The following DLGAP2 variants were observed in gnomAD, a reference collection of about 807,000 sequenced individuals.
DLGAP2 encodes DLG associated protein 2.
DLGAP2 carries 26 observed loss-of-function variants against 100.3 expected under a neutral mutation model. The observed-to-expected ratio is 0.26, with a 90% CI of 0.19 to 0.36. The LOEUF is 0.36. DLGAP2 is among the 10% of genes least tolerant of loss of function. The probability of loss-of-function intolerance (pLI) is 1.00; values close to 1 mark genes in which losing one functional copy is unlikely to be tolerated. For missense variants in DLGAP2, 1,858 were observed against 1,453.2 expected (o/e 1.28, Z -4.53); for synonymous variants, 886 against 630.1 (o/e 1.41, Z -6.08).
At chr8:1,693,594 C>T (rs1032962819) in intron 13 of DLGAP2, among the ~76,000 whole-genome samples, 7 of 152,138 alleles carry the variant, frequency 4.6e-5, no homozygotes, top group African/African-American at 1.2e-4. Context: ...GGCTTTTTCA[C>T]GTGCAAGGAG....
intron 3 of DLGAP2, among the ~76,000 whole-genome samples, chr8:1,431,329 A>C (rs1341362938): frequency 6.6e-6 from 1 of 152,174 alleles, no homozygotes; most frequent in Non-Finnish European, 1.5e-5. Context: ...TTAGTAATAG[A>C]GTAGGGGCTT....
At chr8:1,106,473 G>A in intron 2 of DLGAP2, among the ~76,000 whole-genome samples, 1 of 149,154 alleles carries the variant, frequency 6.7e-6, no homozygotes, top group Non-Finnish European at 1.5e-5. Flanking sequence ...GTTTTCTATT[G>A]AAGGGAGCCA....
intron 6 of DLGAP2, among the ~76,000 whole-genome samples, chr8:1,567,344 G>C (rs1802443416): frequency 6.6e-6 from 1 of 152,188 alleles, no homozygotes; most frequent in Non-Finnish European, 1.5e-5. Flanking sequence ...ATGCTTCGTG[G>C]GTCCAGGGCT....
rs554719063 is a variant in DLGAP2, at chr8:1,320,475, G to T, written c.106+61592G>T. On this transcript the variant is annotated intron_variant, in intron 3 of 14. Coordinates refer to ENST00000637795, the MANE Select transcript of DLGAP2 (RefSeq NM_001346810.2). The stretch of plus-strand genomic sequence containing the variant: ...GTGTCTGTCTGCCGAGGCTGGGAAG[G>T]CATCAGGAGCCGGGCAGACGGGTGA... 9.2e-5 allele frequency among the ~76,000 whole-genome samples: 14 copies of T among 152,284 alleles called. No individual in the cohort carries two copies. In the East Asian group the frequency reaches 2.7e-3, roughly 29 times the overall value.
At position 747,480 on chromosome 8, in the gene DLGAP2, C is replaced by A. The variant is rs563941580; in HGVS notation, c.18+9655C>A. 2.0e-5 allele frequency among the ~76,000 whole-genome samples: 3 copies of A among 148,206 alleles called. No individual in the cohort carries two copies. The East Asian group carries it at 6.3e-4, about 31-fold the overall frequency. ...GCAAGGCGGAGAGGCTGGGACAGGC[C>A]ACGTTCCAGCCGAGGGGAACGCGGA... On this transcript the variant is annotated intron_variant, in intron 1 of 14. Coordinates refer to ENST00000637795, the MANE Select transcript of DLGAP2 (RefSeq NM_001346810.2).
chr8:1,314,939 A>G (rs1307910143), intron 3 of DLGAP2, among the ~76,000 whole-genome samples: 2 of 152,214 alleles, frequency 1.3e-5, no homozygotes, highest in Admixed American at 6.5e-5. Context: ...CTACCGGGGA[A>G]GGCGCAAGAT....
chr8:1,276,795 T>G (rs1799706873), intron 3 of DLGAP2, among the ~76,000 whole-genome samples: 1 of 152,220 alleles, frequency 6.6e-6, no homozygotes, highest in Non-Finnish European at 1.5e-5. Flanking sequence ...ATTGATATTT[T>G]ATACTGGCAA....
intron 2 of DLGAP2, among the ~76,000 whole-genome samples, chr8:959,866 G>T (rs1351697228): frequency 6.6e-6 from 1 of 152,120 alleles, no homozygotes; most frequent in Non-Finnish European, 1.5e-5. Flanking sequence ...TATAAAATGA[G>T]TTTTATTTAA....
chr8:1,426,458 A>C (rs766695660), intron 3 of DLGAP2, among the ~76,000 whole-genome samples: 11 of 152,218 alleles, frequency 7.2e-5, no homozygotes, highest in Non-Finnish European at 1.6e-4. Flanking sequence ...CCAACAAGTT[A>C]GCAGAATTCC....
chr8:1,291,765 G>C (rs1026570356), intron 3 of DLGAP2, among the ~76,000 whole-genome samples: 1 of 152,074 alleles, frequency 6.6e-6, no homozygotes, highest in Non-Finnish European at 1.5e-5. Flanking sequence ...ACCCAACATT[G>C]AGCCCCCGGG....
intron 3 of DLGAP2, among the ~76,000 whole-genome samples, chr8:1,468,888 G>A (rs1032572891): frequency 1.1e-4 from 16 of 152,036 alleles, no homozygotes; most frequent in East Asian, 1.9e-4. Flanking sequence ...CTCTCTTCCC[G>A]TGTCCATCCT....
At chr8:1,058,321 AT>A (rs1264189963) in intron 2 of DLGAP2, among the ~76,000 whole-genome samples, 2 of 152,186 alleles carry the variant, frequency 1.3e-5, no homozygotes, top group African/African-American at 4.8e-5. Context: ...ATAAGCCCGA[AT>A]TTCTGTAGGA....
chr8:1,076,827 C>A (rs554132166), intron 2 of DLGAP2, among the ~76,000 whole-genome samples: 19 of 151,428 alleles, frequency 1.3e-4, no homozygotes, highest in Admixed American at 6.6e-4. Flanking sequence ...CAGGCCCCCC[C>A]CCAAGACCAA....
intron 8 of DLGAP2, among the ~76,000 whole-genome samples, chr8:1,657,918 G>A (rs559215255): frequency 6.6e-6 from 1 of 152,160 alleles, no homozygotes; most frequent in Non-Finnish European, 1.5e-5. Context: ...GTTTTAGGGG[G>A]CGAAAAGTTT....
chr8:1,516,430 A>G (rs1800388236), intron 4 of DLGAP2, among the ~76,000 whole-genome samples: 1 of 140,794 alleles, frequency 7.1e-6, no homozygotes, highest in Non-Finnish European at 1.5e-5. Flanking sequence ...TGACTGAATG[A>G]GTGGGTGACT....
chr8:898,519 G>C (rs985453102), intron 1 of DLGAP2, among the ~76,000 whole-genome samples: 12 of 152,168 alleles, frequency 7.9e-5, no homozygotes, highest in Non-Finnish European at 1.6e-4. Context: ...CATTTCTCTA[G>C]TCACGGAGAC....
intron 3 of DLGAP2, among the ~76,000 whole-genome samples, chr8:1,374,994 G>A (rs918434559): frequency 2.6e-5 from 4 of 151,718 alleles, no homozygotes; most frequent in African/African-American, 9.8e-5. Context: ...CCGGGGCGCT[G>A]TCCTCACTGA....
chr8:1,334,280 C>A (rs745791107), intron 3 of DLGAP2, among the ~76,000 whole-genome samples: 6 of 152,226 alleles, frequency 3.9e-5, no homozygotes, highest in Non-Finnish European at 8.8e-5. Context: ...GCATTTGCCA[C>A]CCCATGCAGC....
intron 6 of DLGAP2, among the ~76,000 whole-genome samples, chr8:1,578,372 A>G (rs768957401): frequency 2.0e-5 from 3 of 152,180 alleles, no homozygotes; most frequent in Non-Finnish European, 4.4e-5. Context: ...CCCGGAAGTT[A>G]TCGGGCACAC....
Sources: allele counts gnomAD v4.1 joint callset (sites outside exome capture counted in the v4.1 genomes callset), GRCh38; gene constraint gnomAD v4.1.1; transcripts MANE v1.5; gene names NCBI Gene and HGNC (gene_info 2026-07-23, HGNC 2026-07-21).